Variants in LSM14A observed in about 807,000 individuals in gnomAD.
LSM14A encodes LSM14A mRNA processing body assembly factor.
A neutral mutation model predicts 52.4 loss-of-function variants in LSM14A; 14 were observed. The observed-to-expected ratio is 0.27, with a 90% CI of 0.18 to 0.42. LSM14A has a LOEUF of 0.42. LSM14A is among the 10% of genes least tolerant of loss of function. LSM14A has a pLI of 1.00. For synonymous variants in LSM14A, 185 were observed against 200.3 expected (o/e 0.92, Z 0.64); for missense variants, 417 against 581.8 (o/e 0.72, Z 2.91).
At chr19:34,213,640 G>C (rs923685876) in intron 4 of LSM14A, among the ~76,000 whole-genome samples, 1 of 152,154 alleles carries the variant, frequency 6.6e-6, no homozygotes. Context: ...CCTAAGCAGA[G>C]ATGTACAGCA....
At chr19:34,210,119 G>A (rs1260635) in intron 4 of LSM14A, among the ~76,000 whole-genome samples, 52,418 of 151,922 alleles carry the variant, frequency 0.35, 9,469 homozygotes, top group African/African-American at 0.38. Context: ...AAACAATGTT[G>A]AGTCATTTCA....
At chr19:34,216,425 A>T (rs1053664324) in intron 6 of LSM14A, among the ~76,000 whole-genome samples, 19 of 150,994 alleles carry the variant, frequency 1.3e-4, no homozygotes, top group Admixed American at 2.0e-4. Context: ...AAAAAAAAAA[A>T]TTTTACTTTT....
At chr19:34,213,107 C>A (rs374761870) in intron 4 of LSM14A, among the ~76,000 whole-genome samples, 1 of 151,098 alleles carries the variant, frequency 6.6e-6, no homozygotes, top group African/African-American at 2.5e-5. Flanking sequence ...GCTGTGATTG[C>A]GCCACTGCAC....
intron 3 of LSM14A, among the ~76,000 whole-genome samples, chr19:34,200,381 A>G (rs1568485592): frequency 6.6e-6 from 1 of 152,222 alleles, no homozygotes; most frequent in African/African-American, 2.4e-5. Context: ...AGGGACTACT[A>G]AGGAACTTTT....
intron 3 of LSM14A, among the ~76,000 whole-genome samples, chr19:34,198,270 T>C (rs1003634866): frequency 6.6e-6 from 1 of 151,920 alleles, no homozygotes; most frequent in Non-Finnish European, 1.5e-5. Flanking sequence ...CTTAAGTATT[T>C]AAATGTTTTA....
chr19:34,177,235 T>G (rs2069148241), intron 1 of LSM14A, among the ~76,000 whole-genome samples: 1 of 152,226 alleles, frequency 6.6e-6, no homozygotes, highest in South Asian at 2.1e-4. Context: ...GTAAACATGT[T>G]CATCAGTTTT....
rs763564797 is a variant in LSM14A at position 34,228,834 on chromosome 19, T to G, written c.*1446T>G. On this transcript the variant is annotated 3_prime_UTR_variant, in exon 10 of 10. Coordinates refer to ENST00000544216, the MANE Select transcript of LSM14A (RefSeq NM_015578.4). ...TTGGAATATTTAAGGCTGGTTGACATTTTTTATTTTCATTTTATATCTTTT... is the reference window on the plus strand; with the variant it reads ...TTGGAATATTTAAGGCTGGTTGACAGTTTTTATTTTCATTTTATATCTTTT... The G allele has an allele frequency of 9.2e-5, 14 of 152,686 alleles. No homozygotes were observed. Among genetic ancestry groups the G allele is most frequent in the Non-Finnish European group, 2.1e-4 (14 of 68,050 alleles). The allele number at this position is 152,686 out of a possible 1,614,324, so 9.5% of individuals were successfully genotyped here.
intron 1 of LSM14A, among the ~76,000 whole-genome samples, chr19:34,191,857 T>C (rs2070405026): frequency 6.6e-6 from 1 of 152,196 alleles, no homozygotes; most frequent in African/African-American, 2.4e-5. Flanking sequence ...TAGTCCTTTC[T>C]CCTCCTTATC....
At position 34,175,949 on chromosome 19, in the gene LSM14A, G is replaced by A. The variant is rs1360144001; in HGVS notation, c.121+3186G>A. Among the ~76,000 whole-genome samples the A allele has an allele frequency of 4.0e-5, 6 of 151,624 alleles. No homozygotes were observed. The East Asian group carries it at 9.8e-4, about 25-fold the overall frequency. On this transcript the variant is annotated intron_variant, in intron 1 of 9. Coordinates refer to ENST00000544216, the MANE Select transcript of LSM14A (RefSeq NM_015578.4). ...TGGCTCGCTGCAGCCTCCACCTCCC[G>A]GGTTCAAGCAGTTCTGCCACAGCCT... is the stretch of plus-strand genomic sequence containing the variant.
intron 1 of LSM14A, among the ~76,000 whole-genome samples, chr19:34,186,405 G>C (rs1229975295): frequency 6.6e-6 from 1 of 152,144 alleles, no homozygotes; most frequent in Admixed American, 6.5e-5. Flanking sequence ...CTCCATCTGT[G>C]GGTGGGCCTC....
chr19:34,175,895 GC>G (rs2069056167), intron 1 of LSM14A, among the ~76,000 whole-genome samples: 1 of 151,710 alleles, frequency 6.6e-6, no homozygotes, highest in African/African-American at 2.4e-5. Context: ...TCTTGCTCTT[GC>G]CCAGGCTGGA....
intron 1 of LSM14A, among the ~76,000 whole-genome samples, chr19:34,181,181 A>T (rs1170239329): frequency 1.3e-5 from 2 of 152,202 alleles, no homozygotes; most frequent in Non-Finnish European, 1.5e-5. Context: ...TGATTCAAGA[A>T]CATTGCTCCA....
intron 1 of LSM14A, among the ~76,000 whole-genome samples, chr19:34,179,871 T>C (rs2069350625): frequency 1.3e-5 from 2 of 152,244 alleles, no homozygotes; most frequent in African/African-American, 2.4e-5. Flanking sequence ...TCTCTCATGA[T>C]GCTATAAAAT....
rs2068931972 is a variant in LSM14A at position 34,174,353 on chromosome 19, A to C, written c.121+1590A>C. Among the ~76,000 whole-genome samples the C allele has an allele frequency of 2.0e-5, 3 of 152,342 alleles. No homozygotes were observed. In the South Asian group the frequency reaches 6.2e-4, roughly 32 times the overall value. ...GTACACCATAAAGGAGTAGTATGAGATGGTGATAGTTGCACAACTCTGCAA... is the reference window on the plus strand; with the variant it reads ...GTACACCATAAAGGAGTAGTATGAGCTGGTGATAGTTGCACAACTCTGCAA... On this transcript the variant is annotated intron_variant, in intron 1 of 9. Coordinates refer to ENST00000544216, the MANE Select transcript of LSM14A (RefSeq NM_015578.4).
At chr19:34,191,240 T>A (rs1226177148) in intron 1 of LSM14A, among the ~76,000 whole-genome samples, 1 of 152,156 alleles carries the variant, frequency 6.6e-6, no homozygotes, top group Non-Finnish European at 1.5e-5. Context: ...GTTGTTTTGA[T>A]CATAAAAGTC....
intron 1 of LSM14A, 48 bp downstream of exon 1, chr19:34,172,811 G>GGGGCTGCTCCCCGCTCC (rs2068794900): frequency 6.6e-7 from 1 of 1,514,102 alleles, no homozygotes; most frequent in African/African-American, 1.5e-5. Context: ...GGCGCCGCTC[G>GGGGCTGCTCCCCGCTCC]GGGCTGCTCC....
rs2070707114 is a variant in LSM14A at position 34,194,549 on chromosome 19, A to G, written c.193A>G (p.Ile65Val). The change falls in exon 2 of 10, where the codon ATT becomes GTT. Residue 65 changes from isoleucine (I) to valine (V), a missense_variant. Physicochemically the swap from Ile to Val is conservative, Grantham distance 29 (BLOSUM62 3). Coordinates refer to ENST00000544216, the MANE Select transcript of LSM14A (RefSeq NM_015578.4). ...IPPRDEVFEY[I>V]IFRGSDIKDL... ...ACCTCGAGATGAAGTCTTTGAATAC[A>G]TTATATTCCGTGGGAGTGACATTAA... 1 of 1,614,018 alleles carries G rather than the reference A, an allele frequency of 6.2e-7. No individual in the cohort carries two copies. Among genetic ancestry groups the G allele is most frequent in the Non-Finnish European group, 8.5e-7 (1 of 1,179,974 alleles).
chr19:34,183,279 G>A (rs758074580), intron 1 of LSM14A, among the ~76,000 whole-genome samples: 13 of 152,134 alleles, frequency 8.5e-5, no homozygotes, highest in Admixed American at 3.3e-4. Flanking sequence ...CCGGCCGGGC[G>A]CAGTGGCTCA....
chr19:34,216,614 C>T (rs947154217), intron 6 of LSM14A, among the ~76,000 whole-genome samples: 1 of 151,964 alleles, frequency 6.6e-6, no homozygotes, highest in Non-Finnish European at 1.5e-5. Context: ...CGCGTGCCAC[C>T]ATACCCAGCT....
Sources: allele counts gnomAD v4.1 joint callset (sites outside exome capture counted in the v4.1 genomes callset), GRCh38; gene constraint gnomAD v4.1.1; transcripts MANE v1.5; gene names NCBI Gene and HGNC (gene_info 2026-07-23, HGNC 2026-07-21).